Variants in AK9 observed in about 807,000 individuals in gnomAD.
AK9 encodes adenylate kinase 9.
AK9 carries 191 observed loss-of-function variants against 239.6 expected under a neutral mutation model. The observed-to-expected ratio is 0.80, with a 90% CI of 0.71 to 0.90. AK9 has a LOEUF of 0.90. AK9 is among the 40% of genes least tolerant of loss of function. The probability of loss-of-function intolerance (pLI) is 0.00; values close to 1 mark genes in which losing one functional copy is unlikely to be tolerated. For missense variants in AK9, 1,995 were observed against 2,214.7 expected (o/e 0.90, Z 1.99); for synonymous variants, 689 against 721.0 (o/e 0.96, Z 0.71).
In AK9 at chr6:109,614,405, T is replaced by A. The variant is rs1216974604; in HGVS notation, c.1475A>T (p.His492Leu). The A allele has an allele frequency of 2.6e-6, 4 of 1,551,088 alleles. No individual in the cohort carries two copies. The highest frequency in any genetic ancestry group is 4.9e-5 in the East Asian group (2 of 40,904). ...EFGVFPMEAT[H>L]SSIDEEGYIQ... ...TTTACCTTCTTCATCAATTGATGAG[T>A]GTGTTGCCTCCATTGGGAATACTCC... is the stretch of plus-strand genomic sequence containing the variant. Residue 492 changes from histidine (H) to leucine (L), a missense_variant, in exon 14 of 41, where the codon CAC becomes CTC. Around this residue, in one of 5 missense-constraint regions of AK9, gnomAD observed 1,290 missense variants for 1,392.7 expected, o/e 0.93. Transcript: ENST00000424296.
chr6:109,537,420 A>G (rs984344648), intron 27 of AK9, among the ~76,000 whole-genome samples: 1 of 150,102 alleles, frequency 6.7e-6, no homozygotes, highest in South Asian at 2.1e-4. Context: ...CTCTGATGGT[A>G]GTTTGCATTT....
chr6:109,657,549 C>CTTT (rs374142932), intron 7 of AK9, among the ~76,000 whole-genome samples: 2 of 145,096 alleles, frequency 1.4e-5, no homozygotes, highest in Admixed American at 6.9e-5. Context: ...AAGTTTCTTT[C>CTTT]TTTTTTTTTT....
chr6:109,497,233 C>T (rs1400792343), intron 38 of AK9, among the ~76,000 whole-genome samples: 1 of 151,768 alleles, frequency 6.6e-6, no homozygotes, highest in East Asian at 1.9e-4. Flanking sequence ...CAGGCATTTC[C>T]CCACCCTAAA....
chr6:109,550,385 T>A, intron 24 of AK9, 83 bp from the exon 25 acceptor site: 1 of 1,246,488 alleles, frequency 8.0e-7, no homozygotes, highest in Non-Finnish European at 1.1e-6. Context: ...GCTTCTTGAA[T>A]AATATTTAAT....
chr6:109,587,720 G>T (rs774394693), intron 17 of AK9, among the ~76,000 whole-genome samples: 3 of 152,062 alleles, frequency 2.0e-5, no homozygotes, highest in Non-Finnish European at 4.4e-5. Context: ...TTGATTCCGC[G>T]GCATTGTTAT....
chr6:109,503,600 A>G (rs1400744865), intron 35 of AK9, among the ~76,000 whole-genome samples: 2 of 152,232 alleles, frequency 1.3e-5, no homozygotes, highest in Admixed American at 1.3e-4. Flanking sequence ...ACAATCAGGT[A>G]CAGGCTAGAT....
chr6:109,674,343 A>G, intron 2 of AK9, 82 bp from the exon 3 acceptor site: 1 of 939,956 alleles, frequency 1.1e-6, no homozygotes, highest in South Asian at 2.0e-5. Flanking sequence ...TAAAGATTCT[A>G]TTGCTAGTTA....
chr6:109,610,517 A>G lies in AK9; in HGVS notation c.1694-4T>C, dbSNP rs114438747. On this transcript the variant is annotated splice_polypyrimidine_tract_variant and splice_region_variant and intron_variant, in intron 16 of 40. Coordinates refer to ENST00000424296, the MANE Select transcript of AK9 (RefSeq NM_001145128.3). ...TCTATCAAGTCTTCTGTTGGGGCTA[A>G]AGTAAAATAAGCTGATAAATTAATG... 1,971 of 1,548,612 alleles carry G rather than the reference A, an allele frequency of 1.3e-3. 22 individuals are homozygous for G. In the African/African-American group the frequency reaches 0.025, roughly 20 times the overall value.
Position 109,579,567 on chromosome 6 carries a change from A to G in AK9, c.2174T>C (p.Met725Thr), listed in dbSNP as rs1788556586. The G allele has an allele frequency of 1.3e-6, 2 of 1,551,544 alleles. No individual in the cohort carries two copies. The highest frequency in any genetic ancestry group is 1.7e-6 in the Non-Finnish European group (2 of 1,146,816). ...GTGCTTGCCTTTTGCCTTCACTTTC[A>G]TAAGTTCCAGTAGCCTTCGATTTTC... ...EEENRRLLELMKVKAKEAEET... is the reference protein window; with the variant it reads ...EEENRRLLELTKVKAKEAEET... The change falls in exon 20 of 41, where the codon ATG becomes ACG. Residue 725 changes from methionine (M) to threonine (T), a missense_variant. Coordinates refer to ENST00000424296, the MANE Select transcript of AK9 (RefSeq NM_001145128.3).
At chr6:109,598,294 A>G (rs927274866) in intron 17 of AK9, among the ~76,000 whole-genome samples, 1 of 147,572 alleles carries the variant, frequency 6.8e-6, no homozygotes, top group African/African-American at 2.6e-5. Context: ...TCATTGTTCA[A>G]TTCCCACCTA....
intron 1 of AK9, among the ~76,000 whole-genome samples, chr6:109,681,986 G>GTT (rs2128353722): frequency 6.6e-6 from 1 of 152,198 alleles, no homozygotes; most frequent in South Asian, 2.1e-4. Context: ...AGAGAAAGCA[G>GTT]GAAAGATCTA....
At chr6:109,507,403 G>A (rs899387070) in intron 33 of AK9, among the ~76,000 whole-genome samples, 5 of 152,138 alleles carry the variant, frequency 3.3e-5, no homozygotes, top group African/African-American at 1.2e-4. Context: ...TGAGGAGGCT[G>A]GGAGTGCAGC....
In AK9 at chr6:109,533,455, T is replaced by A. The variant is rs1781542008; in HGVS notation, c.3366A>T (p.Ile1122=). Residue 1122 remains isoleucine, a synonymous_variant, in exon 28 of 41, where the codon ATA becomes ATT. Coordinates refer to ENST00000424296, the MANE Select transcript of AK9 (RefSeq NM_001145128.3). ...CTGGATATCGTGGGAAACCATCTAATATAAAACCTGTGGAACTGGTGGAAA... is the reference window on the plus strand; with the variant it reads ...CTGGATATCGTGGGAAACCATCTAAAATAAAACCTGTGGAACTGGTGGAAA... ...LKEPIRSTGF[I]LDGFPRYPEE... 1 of 1,584,620 alleles carries A rather than the reference T, an allele frequency of 6.3e-7. No individual in the cohort carries two copies. Among genetic ancestry groups the A allele is most frequent in the Non-Finnish European group, 8.5e-7 (1 of 1,170,208 alleles).
rs189342360 is a variant in AK9 at position 109,686,079 on chromosome 6, G to A, written c.-12+5068C>T. ...TCAATCCCTATCAAGAAAGAGGATCGGAAGCAATTTGTATTCACTTAGAGC... is the reference window on the plus strand; with the variant it reads ...TCAATCCCTATCAAGAAAGAGGATCAGAAGCAATTTGTATTCACTTAGAGC... On this transcript the variant is annotated intron_variant, in intron 1 of 40. Coordinates refer to ENST00000424296, the MANE Select transcript of AK9 (RefSeq NM_001145128.3). 4.6e-5 allele frequency among the ~76,000 whole-genome samples: 7 copies of A among 152,202 alleles called. No individual in the cohort carries two copies. In the East Asian group the frequency reaches 7.7e-4, roughly 17 times the overall value.
In AK9 at chr6:109,546,132, C is replaced by T. The variant is rs760103673; in HGVS notation, c.2965-5G>A. 9.2e-7 allele frequency: 1 copy of T among 1,090,230 alleles called. No individual in the cohort carries two copies. The highest frequency in any genetic ancestry group is 1.3e-6 in the Non-Finnish European group (1 of 770,982). 67.5% of individuals were successfully genotyped at this position (1,090,230 alleles called of 1,614,324 possible). On this transcript the variant is annotated splice_region_variant and splice_polypyrimidine_tract_variant and intron_variant, in intron 25 of 40. Coordinates refer to ENST00000424296, the MANE Select transcript of AK9 (RefSeq NM_001145128.3). Reference sequence around the variant, plus strand: ...GCATATTCTTAATGGAGGAGCCTGTCACAGGGGGTGGGTCAGGGAGGGGTG... The same window carrying T: ...GCATATTCTTAATGGAGGAGCCTGTTACAGGGGGTGGGTCAGGGAGGGGTG...
At chr6:109,653,674 T>C (rs1297575422) in intron 8 of AK9, among the ~76,000 whole-genome samples, 3 of 78,298 alleles carry the variant, frequency 3.8e-5, no homozygotes, top group Non-Finnish European at 8.4e-5. Context: ...TTGTTTAGAT[T>C]TTTTTTTTTT....
At chr6:109,617,868 C>T (rs1053244956) in intron 13 of AK9, among the ~76,000 whole-genome samples, 10 of 152,180 alleles carry the variant, frequency 6.6e-5, no homozygotes, top group African/African-American at 2.4e-4. Context: ...AAGAAGAGCA[C>T]ATTTATTTGA....
intron 12 of AK9, among the ~76,000 whole-genome samples, chr6:109,620,794 A>G (rs1301238715): frequency 6.6e-6 from 1 of 151,280 alleles, no homozygotes; most frequent in African/African-American, 2.4e-5. Context: ...TATACACCAT[A>G]TACTATATAT....
chr6:109,546,256 A>T, intron 25 of AK9, 129 bp from the exon 26 acceptor site: 1 of 803,672 alleles, frequency 1.2e-6, no homozygotes, highest in Non-Finnish European at 1.9e-6. Flanking sequence ...TGATCACATC[A>T]TGAACTCAAG....
Sources: gnomAD v4.1 joint callset for allele counts (sites outside exome capture counted in the v4.1 genomes callset) on GRCh38, gnomAD v4.1.1 for gene constraint, gnomAD v4.1.1 regional missense constraint, MANE v1.5 for transcripts, NCBI Gene and HGNC (gene_info 2026-07-23, HGNC 2026-07-21) for gene names.